SETD1B: variants seen among roughly 807,000 people sequenced by gnomAD.
SETD1B encodes the protein histone-lysine N-methyltransferase SETD1B.
A neutral mutation model predicts 148.0 loss-of-function variants in SETD1B; 7 were observed. The observed-to-expected ratio is 0.05, with a 90% CI of 0.03 to 0.09. The LOEUF (loss-of-function observed/expected upper bound fraction) is 0.09. SETD1B is among the 10% of genes least tolerant of loss of function. SETD1B has a pLI of 1.00. For missense variants in SETD1B, 2,155 were observed against 2,729.9 expected (o/e 0.79, Z 4.69); for synonymous variants, 1,361 against 1,186.5 (o/e 1.15, Z -3.02).
chr12:121,813,934 G>A (rs1876157416), intron 6 of SETD1B, among the ~76,000 whole-genome samples, 172 bp from the exon 7 acceptor site: 1 of 152,122 alleles, frequency 6.6e-6, no homozygotes, highest in Non-Finnish European at 1.5e-5. Context: ...CATGAGGCAG[G>A]GACTATGATG....
intron 11 of SETD1B, among the ~76,000 whole-genome samples, chr12:121,820,242 G>C (rs1229624265): frequency 6.6e-6 from 1 of 152,370 alleles, no homozygotes; most frequent in African/African-American, 2.4e-5. Context: ...CGGTGGGGTA[G>C]GCCCTGGGGT....
Position 121,817,333 on chromosome 12 carries a change from C to G in SETD1B, c.2978-37C>G. On this transcript the variant is annotated intron_variant, in intron 8 of 16. Coordinates refer to ENST00000604567, the MANE Select transcript of SETD1B (RefSeq NM_001353345.2). This position sits in a 1 kb window ranked among gnomAD's most constrained non-coding sequence, Gnocchi z 8.1. ...GTGCTGGGGTCCCCTTCTTCCGCAT[C>G]CCCCCAGCCCAGCTCTGACTCCCTC... The G allele has an allele frequency of 6.5e-7, 1 of 1,537,584 alleles. No homozygotes were observed. Among genetic ancestry groups the G allele is most frequent in the South Asian group, 1.2e-5 (1 of 82,142 alleles).
intron 16 of SETD1B, among the ~76,000 whole-genome samples, chr12:121,829,618 C>T (rs1489327449): frequency 6.6e-6 from 1 of 152,188 alleles, no homozygotes; most frequent in Non-Finnish European, 1.5e-5. Context: ...CTTGGTGGCT[C>T]AGATGATCTC....
the SETD1B span, chr12:121,795,523 G>A: frequency 6.6e-6 from 1 of 152,412 alleles, no homozygotes; most frequent in African/African-American, 2.4e-5. Flanking sequence ...GAGAGGGGAG[G>A]CCAGGCAGGG....
rs952106479 is a variant in SETD1B, at chr12:121,810,883, G to T, written c.1890+48G>T. The T allele has an allele frequency of 2.8e-6, 4 of 1,448,730 alleles. No individual in the cohort carries two copies. Among genetic ancestry groups the T allele is most frequent in the Admixed American group, 2.8e-5 (1 of 35,462 alleles). 89.7% of individuals were successfully genotyped at this position (1,448,730 alleles called of 1,614,324 possible). ...GTCTGGGACTGGTTTTGTCTATCTT[G>T]TATCTCCCTTTCCCCCTTCAAGCAT... On this transcript the variant is annotated intron_variant, in intron 6 of 16. Coordinates refer to ENST00000604567, the MANE Select transcript of SETD1B (RefSeq NM_001353345.2). The surrounding 1 kb of genome is among the most constrained non-coding windows in gnomAD (Gnocchi z 7.6).
At position 121,806,413 on chromosome 12, in the gene SETD1B, T is replaced by G. The variant is rs146591366; in HGVS notation, c.544+308T>G. 4.7e-3 allele frequency among the ~76,000 whole-genome samples: 710 copies of G among 152,154 alleles called. 10 individuals are homozygous for G. The highest frequency in any genetic ancestry group is 0.016 in the African/African-American group (675 of 41,502). On this transcript the variant is annotated intron_variant, in intron 4 of 16. Transcript: ENST00000604567. Reference sequence around the variant, plus strand: ...TCTCTGAGCCCTGGTGGCTTGGGTTTAGACAGTCCCCAGTGTTGCCTGTGT... The same window carrying G: ...TCTCTGAGCCCTGGTGGCTTGGGTTGAGACAGTCCCCAGTGTTGCCTGTGT...
rs994063316 is a variant in SETD1B, at chr12:121,815,823, CT to C, written c.2715+913del. ...GCCTACTTACTATTTTCTTTTCTTT[CT>C]TTTTTTTTTTTTTTTTTTTCGGAGA... On this transcript the variant is annotated intron_variant, in intron 7 of 16. Transcript: ENST00000604567. 7.8e-3 allele frequency among the ~76,000 whole-genome samples: 916 copies of C among 118,178 alleles called. 6 individuals are homozygous for C. The highest frequency in any genetic ancestry group is 0.017 in the African/African-American group (528 of 30,764). The allele number at this position is 118,178 out of a possible 152,430, so 77.5% of individuals were successfully genotyped here. A position where few individuals can be genotyped will look rare whatever the true frequency, so the allele number is the denominator to read the frequency against.
chr12:121,799,735 G>T (rs1206833041), upstream of SETD1B: 7 of 122,340 alleles, frequency 5.7e-5, no homozygotes, highest in African/African-American at 2.2e-4. Context: ...GGGGGGTGGG[G>T]TGGGGCGGGG....
chr12:121,798,889 CTAGCGT>C, the SETD1B span, among the ~76,000 whole-genome samples: 1 of 152,342 alleles, frequency 6.6e-6, no homozygotes, highest in Non-Finnish European at 1.5e-5. Flanking sequence ...ATGAAGTCGG[CTAGCGT>C]TAGAATGAAA....
the SETD1B span, chr12:121,793,448 G>C: frequency 2.6e-5 from 40 of 1,534,536 alleles, no homozygotes; most frequent in African/African-American, 4.7e-4. Context: ...CTGGGCTCAG[G>C]GTAAGGGGCG....
At chr12:121,800,130 G>A (rs562619121), upstream of SETD1B, 40 of 152,240 alleles carry the variant, frequency 2.6e-4, no homozygotes, top group Admixed American at 9.8e-4. Context: ...CCCCGGCCCG[G>A]GCGGCGGCTC....
At chr12:121,807,701 C>T (rs1040621821) in intron 4 of SETD1B, among the ~76,000 whole-genome samples, 2 of 152,162 alleles carry the variant, frequency 1.3e-5, no homozygotes, top group African/African-American at 4.8e-5. Flanking sequence ...CCCTGGGGCC[C>T]TCAGCCTGGT....
chr12:121,809,051 G>A (rs562816455), intron 5 of SETD1B, among the ~76,000 whole-genome samples: 1 of 152,032 alleles, frequency 6.6e-6, no homozygotes, highest in Non-Finnish European at 1.5e-5. Flanking sequence ...TATATTTTTG[G>A]TTAGTAGAGG....
Position 121,822,719 on chromosome 12 carries a change from A to G in SETD1B, c.4140A>G (p.Pro1380=). ...LAKSQSTETV[P]ATPGGEPPLS... ...AGTCGCAGAGCACAGAGACGGTGCCAGCCACACCAGGCGGGGAGCCCCCGC... is the reference window on the plus strand; with the variant it reads ...AGTCGCAGAGCACAGAGACGGTGCCGGCCACACCAGGCGGGGAGCCCCCGC... Residue 1380 remains proline, a synonymous_variant, in exon 12 of 17, where the codon CCA becomes CCG. Coordinates refer to ENST00000604567, the MANE Select transcript of SETD1B (RefSeq NM_001353345.2). The G allele has an allele frequency of 6.6e-7, 1 of 1,525,662 alleles. No individual in the cohort carries two copies. The highest frequency in any genetic ancestry group is 8.9e-7 in the Non-Finnish European group (1 of 1,128,782). The allele number at this position is 1,525,662 out of a possible 1,614,324, so 94.5% of individuals were successfully genotyped here. A position where few individuals can be genotyped will look rare whatever the true frequency, so the allele number is the denominator to read the frequency against.
intron 11 of SETD1B, among the ~76,000 whole-genome samples, chr12:121,820,508 G>A (rs1876516035): frequency 6.6e-6 from 1 of 152,138 alleles, no homozygotes; most frequent in Admixed American, 6.6e-5. Context: ...AGCTGCATGT[G>A]GTTAGCACCT....
chr12:121,813,520 G>A (rs1876139127), intron 6 of SETD1B, among the ~76,000 whole-genome samples: 1 of 152,158 alleles, frequency 6.6e-6, no homozygotes, highest in African/African-American at 2.4e-5. Flanking sequence ...TAAATTCTCT[G>A]TGCCCCAGTT....
rs1468454595 is a variant in SETD1B, at chr12:121,817,792, C to G, written c.3313-7C>G. 6.5e-7 allele frequency: 1 copy of G among 1,548,222 alleles called. No homozygotes were observed. Among genetic ancestry groups the G allele is most frequent in the Non-Finnish European group, 8.7e-7 (1 of 1,145,142 alleles). ...CTCACCTGTCCCCACTCTTCCTTCTCCCCCAGGATGACGACGATGACGACA... is the reference window on the plus strand; with the variant it reads ...CTCACCTGTCCCCACTCTTCCTTCTGCCCCAGGATGACGACGATGACGACA... On this transcript the variant is annotated splice_polypyrimidine_tract_variant and splice_region_variant and intron_variant, in intron 9 of 16. Coordinates refer to ENST00000604567, the MANE Select transcript of SETD1B (RefSeq NM_001353345.2). This position sits in a 1 kb window ranked among gnomAD's most constrained non-coding sequence, Gnocchi z 8.1.
At chr12:121,800,506 G>GGGCGGCCTCGAAGCCCC (rs1875286245), upstream of SETD1B, 1 of 151,934 alleles carries the variant, frequency 6.6e-6, no homozygotes. Context: ...GTGGGACCCG[G>GGGCGGCCTCGAAGCCCC]GGCGGCCTCG....
rs932366567 is a variant in SETD1B at position 121,814,155 on chromosome 12, C to T, written c.1940C>T (p.Pro647Leu). The T allele has an allele frequency of 2.6e-6, 4 of 1,548,544 alleles. No individual in the cohort carries two copies. Among genetic ancestry groups the T allele is most frequent in the Non-Finnish European group, 2.6e-6 (3 of 1,146,708 alleles). ...EDMEISDDEM[P>L]SAPITSADCP... ...ATGGAGATCTCGGATGACGAGATGC[C>T]CTCGGCCCCCATCACCAGCGCTGAC... The change falls in exon 7 of 17, where the codon CCC becomes CTC. Residue 647 changes from proline to leucine, a missense_variant. Physicochemically the swap from Pro to Leu is moderately conservative, Grantham distance 98. Around this residue, in one of 11 missense-constraint regions of SETD1B, gnomAD observed 295 missense variants for 303.8 expected, o/e 0.97. Transcript: ENST00000604567.
Sources: allele counts gnomAD v4.1 joint callset (sites outside exome capture counted in the v4.1 genomes callset), GRCh38; gene constraint gnomAD v4.1.1; regional missense constraint gnomAD v4.1.1; non-coding constraint Gnocchi (gnomAD v3.1); transcripts MANE v1.5; gene names NCBI Gene and HGNC (gene_info 2026-07-23, HGNC 2026-07-21).